IL1R1: variants seen among roughly 807,000 people sequenced by gnomAD.
IL1R1 encodes interleukin-1 receptor type 1.
Under a neutral mutation model 50.2 loss-of-function variants are expected in IL1R1, and 22 were observed. The observed-to-expected ratio is 0.44, with a 90% CI of 0.31 to 0.63. IL1R1 has a LOEUF of 0.63. Ranked by LOEUF, IL1R1 falls within the 20% of genes least tolerant of loss-of-function variation. The probability of loss-of-function intolerance (pLI) is 0.07; values close to 1 mark genes in which losing one functional copy is unlikely to be tolerated. For missense variants in IL1R1, 509 were observed against 676.2 expected (o/e 0.75, Z 2.74); for synonymous variants, 251 against 236.7 (o/e 1.06, Z -0.55).
Position 102,164,988 on chromosome 2 carries a change from A to G in IL1R1, c.276A>G (p.Gly92=). Residue 92 remains glycine, a synonymous_variant, in exon 4 of 12, where the codon GGA becomes GGG. Coordinates refer to ENST00000410023, the MANE Select transcript of IL1R1 (RefSeq NM_000877.4). ...TTCCTGCTAAGGTGGAGGATTCAGGACATTACTATTGCGTGGTAAGGTAAG... is the reference window on the plus strand; with the variant it reads ...TTCCTGCTAAGGTGGAGGATTCAGGGCATTACTATTGCGTGGTAAGGTAAG... ...WFVPAKVEDS[G]HYYCVVRNSS... is the part of the protein sequence containing the mutation. 6.2e-7 allele frequency: 1 copy of G among 1,613,770 alleles called. No homozygotes were observed. Among genetic ancestry groups the G allele is most frequent in the South Asian group, 1.1e-5 (1 of 90,968 alleles).
Position 102,172,834 on chromosome 2 carries a change from T to G in IL1R1, c.987T>G (p.Tyr329Ter). The G allele has an allele frequency of 6.3e-7, 1 of 1,595,370 alleles. No homozygotes were observed. The highest frequency in any genetic ancestry group is 8.6e-7 in the Non-Finnish European group (1 of 1,169,320). ...GIDAAYIQLI[Y>*]PVTNFQKHMI... The stretch of plus-strand genomic sequence containing the variant: ...ATGCAGCATATATCCAGTTAATATA[T>G]CCAGGTAAACAACAAACTAATTGAA... The change falls in exon 9 of 12, where the codon TAT (tyrosine) becomes TAG (stop). Residue 329 changes from tyrosine (Y) to a stop codon, truncating the protein, a stop_gained. Coordinates refer to ENST00000410023, the MANE Select transcript of IL1R1 (RefSeq NM_000877.4). LOFTEE classifies it high-confidence loss of function.
In IL1R1 at chr2:102,165,179, T is replaced by C; in HGVS notation, c.361T>C (p.Cys121Arg). The part of the protein sequence containing the change: ...AKFVENEPNL[C>R]YNAQAIFKQK... ...ATTTGTGGAGAATGAGCCTAACTTA[T>C]GTTATAATGCACAAGCCATATTTAA... is the stretch of plus-strand genomic sequence containing the variant. The change falls in exon 5 of 12, where the codon TGT (cysteine) becomes CGT (arginine). Residue 121 changes from cysteine to arginine, a missense_variant. Coordinates refer to ENST00000410023, the MANE Select transcript of IL1R1 (RefSeq NM_000877.4). 6.2e-7 allele frequency: 1 copy of C among 1,602,352 alleles called. No homozygotes were observed. The highest frequency in any genetic ancestry group is 8.5e-7 in the Non-Finnish European group (1 of 1,176,548).
chr2:102,167,220 TA>T (rs1337007976), intron 6 of IL1R1, among the ~76,000 whole-genome samples: 1 of 152,144 alleles, frequency 6.6e-6, no homozygotes, highest in Non-Finnish European at 1.5e-5. Flanking sequence ...TTTATTTTCC[TA>T]AAAATATTTT....
At chr2:102,107,930 A>G (rs1232483340) in intron 1 of IL1R1, among the ~76,000 whole-genome samples, 2 of 152,134 alleles carry the variant, frequency 1.3e-5, no homozygotes, top group South Asian at 2.1e-4. Context: ...CGATTGAGTA[A>G]CCTGGGGTAA....
intron 1 of IL1R1, among the ~76,000 whole-genome samples, chr2:102,119,423 A>G (rs2104388378): frequency 6.6e-6 from 1 of 152,368 alleles, no homozygotes; most frequent in East Asian, 1.9e-4. Context: ...ACTTAACTAC[A>G]TGAGATTAAC....
At chr2:102,152,504 CAAAAAAAAAAAAAAAAAAAAAAAAA>C (rs70946674) in intron 1 of IL1R1, among the ~76,000 whole-genome samples, 1 of 29,686 alleles carries the variant, frequency 3.4e-5, no homozygotes, top group South Asian at 2.5e-3. Flanking sequence ...GACTCCGTCT[CAAAAAAAAAAAAAAAAAAAAAAAAA>C]AAAAAAAAAA....
intron 7 of IL1R1, among the ~76,000 whole-genome samples, chr2:102,171,516 A>G (rs1036208067): frequency 6.6e-6 from 1 of 152,182 alleles, no homozygotes; most frequent in South Asian, 2.1e-4. Context: ...GACAGAGTCT[A>G]TTTTGGAAGA....
chr2:102,076,884 A>C (rs1383204464), intron 1 of IL1R1, among the ~76,000 whole-genome samples: 2 of 151,642 alleles, frequency 1.3e-5, no homozygotes, highest in Non-Finnish European at 2.9e-5. Context: ...TTTTTTTTCT[A>C]TTAATTCCTC....
At chr2:102,109,357 A>G (rs776055934) in intron 1 of IL1R1, among the ~76,000 whole-genome samples, 46 of 152,278 alleles carry the variant, frequency 3.0e-4, no homozygotes, top group African/African-American at 1.0e-3. Flanking sequence ...CTTTCTCGCA[A>G]CCTTGAAACA....
At chr2:102,172,100 A>G (rs1685737420) in intron 8 of IL1R1, 182 bp downstream of exon 8, 1 of 198,326 alleles carries the variant, frequency 5.0e-6, no homozygotes, top group African/African-American at 2.5e-5. Context: ...ATTTAAGGTA[A>G]AAAATACTTG....
chr2:102,139,919 A>T (rs1682550239), upstream of IL1R1, among the ~76,000 whole-genome samples: 1 of 152,166 alleles, frequency 6.6e-6, no homozygotes, highest in African/African-American at 2.4e-5. Flanking sequence ...GAATGGCCTA[A>T]CACACCAGGA....
chr2:102,092,196 A>G (rs1679699434), intron 1 of IL1R1, among the ~76,000 whole-genome samples: 1 of 152,056 alleles, frequency 6.6e-6, no homozygotes, highest in South Asian at 2.1e-4. Context: ...CTCTTTTTCC[A>G]GCAGAGGTCC....
chr2:102,129,022 C>G lies in IL1R1; in HGVS notation c.-84+24150C>G, dbSNP rs1415864351. On this transcript the variant is annotated intron_variant, in intron 1 of 10. Transcript: ENST00000409329. ...TTTGTGCCCAGCTTGGGCCACATAG[C>G]AAGACCCTGTCTCTAAAGAATAAAA... Among the ~76,000 whole-genome samples the G allele has an allele frequency of 1.3e-5, 2 of 152,000 alleles. 1 individual carries two copies. Among genetic ancestry groups the G allele is most frequent in the Non-Finnish European group, 2.9e-5 (2 of 68,008 alleles).
chr2:102,083,756 C>T (rs1679319342), intron 1 of IL1R1, among the ~76,000 whole-genome samples: 1 of 151,942 alleles, frequency 6.6e-6, no homozygotes, highest in Non-Finnish European at 1.5e-5. Flanking sequence ...CCAGCCTGAC[C>T]AATATGGTGA....
intron 1 of IL1R1, among the ~76,000 whole-genome samples, chr2:102,127,347 T>C (rs1681772443): frequency 6.6e-6 from 1 of 152,134 alleles, no homozygotes; most frequent in Non-Finnish European, 1.5e-5. Flanking sequence ...GAAAATATTA[T>C]TAAATGGAAG....
chr2:102,118,802 G>T (rs563751704), intron 1 of IL1R1, among the ~76,000 whole-genome samples: 1 of 152,176 alleles, frequency 6.6e-6, no homozygotes, highest in African/African-American at 2.4e-5. Flanking sequence ...AGGATCATGA[G>T]GTCAGGAGAT....
Position 102,136,187 on chromosome 2 carries a change from C to T in IL1R1, c.-83-17754C>T, listed in dbSNP as rs115436099. On this transcript the variant is annotated intron_variant, in intron 1 of 10. Coordinates refer to the IL1R1 transcript ENST00000409329. ...TGGTATGCTGAGCTTTTCAGCAGGT[C>T]TAACTATCCCAGAGTAGGAACAACT... 8.6e-3 allele frequency among the ~76,000 whole-genome samples: 1,303 copies of T among 152,256 alleles called. 24 individuals are homozygous for T. The South Asian group carries it at 0.091, about 11-fold the overall frequency.
intron 3 of IL1R1, among the ~76,000 whole-genome samples, chr2:102,163,948 C>A (rs1578011993): frequency 6.6e-6 from 1 of 152,250 alleles, no homozygotes; most frequent in South Asian, 2.1e-4. Flanking sequence ...CCTAATTTTC[C>A]CTAATGACTG....
chr2:102,137,499 G>A (rs1682412185), intron 1 of IL1R1, among the ~76,000 whole-genome samples: 2 of 152,162 alleles, frequency 1.3e-5, no homozygotes, highest in Non-Finnish European at 2.9e-5. Context: ...GTGGACTGGA[G>A]CACCTGTACA....
Sources: allele counts gnomAD v4.1 joint callset (sites outside exome capture counted in the v4.1 genomes callset), GRCh38; gene constraint gnomAD v4.1.1; transcripts MANE v1.5; gene names NCBI Gene and HGNC (gene_info 2026-07-23, HGNC 2026-07-21).